The following GREB1 variants were observed in gnomAD, a reference collection of about 807,000 sequenced individuals.
GREB1 encodes the protein protein GREB1.
A neutral mutation model predicts 200.7 loss-of-function variants in GREB1; 106 were observed. The observed-to-expected ratio is 0.53, with a 90% CI of 0.45 to 0.62. The LOEUF (loss-of-function observed/expected upper bound fraction) is 0.62, where lower values mean the gene tolerates loss of function less well. Among genes scored for constraint, GREB1 ranks in the 20% least tolerant of loss-of-function variants. GREB1 has a pLI of 0.00. For missense variants in GREB1, 2,243 were observed against 2,556.8 expected, an observed-to-expected ratio of 0.88 and a Z score of 2.65; for synonymous variants, 1,132 against 1,092.4, an observed-to-expected ratio of 1.04 and a Z score of -0.72.
Position 11,612,573 on chromosome 2 carries a change from T to G in GREB1, c.3085T>G (p.Phe1029Val), listed in dbSNP as rs780360177. The change falls in exon 19 of 33, where the codon TTC (phenylalanine) becomes GTC (valine). Residue 1029 changes from phenylalanine (F) to valine (V), a missense_variant. By Grantham distance (50) the Phe-to-Val change is conservative (BLOSUM62 -1). Around this residue, in one of 3 missense-constraint regions of GREB1, gnomAD observed 1,178 missense variants for 1,387.4 expected, o/e 0.85. Coordinates refer to ENST00000381486, the MANE Select transcript of GREB1 (RefSeq NM_014668.4). ...GGAGGGTCTGCCTTGCATCCTGATC[T>G]TCAGTGGGATGGACCCGCATGGGGA... The part of the protein sequence containing the change: ...ELEGLPCILI[F>V]SGMDPHGESL... 6.2e-7 allele frequency: 1 copy of G among 1,612,362 alleles called. No individual in the cohort carries two copies. Among genetic ancestry groups the G allele is most frequent in the African/African-American group, 1.3e-5 (1 of 74,878 alleles).
chr2:11,559,721 C>A (rs548136831), intron 2 of GREB1, among the ~76,000 whole-genome samples: 9 of 152,278 alleles, frequency 5.9e-5, no homozygotes, highest in African/African-American at 2.2e-4. Context: ...GCCTTGCTGG[C>A]GCCTGGGGTC....
intron 19 of GREB1, among the ~76,000 whole-genome samples, chr2:11,614,403 A>G (rs931632103): frequency 6.6e-6 from 1 of 152,046 alleles, no homozygotes; most frequent in Non-Finnish European, 1.5e-5. Flanking sequence ...CTGGGATTAC[A>G]GGTGTGAGCC....
At chr2:11,553,002 T>A (rs1026003314) in intron 1 of GREB1, among the ~76,000 whole-genome samples, 3 of 113,458 alleles carry the variant, frequency 2.6e-5, no homozygotes, top group Middle Eastern at 9.0e-3. Context: ...AGAGCGAAAC[T>A]CCGTCTCAAA....
chr2:11,602,799 T>C (rs1281217403), intron 17 of GREB1, among the ~76,000 whole-genome samples: 3 of 152,240 alleles, frequency 2.0e-5, no homozygotes, highest in Non-Finnish European at 4.4e-5. Context: ...TGTGGAATTA[T>C]GTTTTTGAGC....
intron 1 of GREB1, among the ~76,000 whole-genome samples, chr2:11,524,944 C>T (rs1315801876): frequency 3.3e-5 from 5 of 152,158 alleles, no homozygotes; most frequent in Non-Finnish European, 5.9e-5. Context: ...TCTGGTAAAG[C>T]GGCCGTGTTC....
rs116766284 is a variant in GREB1, at chr2:11,541,569, G to A, written c.-162+7315G>A. Among the ~76,000 whole-genome samples the A allele has an allele frequency of 2.7e-3, 410 of 152,236 alleles. 2 individuals carry two copies. Among genetic ancestry groups the A allele is most frequent in the African/African-American group, 9.3e-3 (385 of 41,540 alleles). Reference sequence around the variant, plus strand: ...CTGCCTCCGACTCTTTCCAAAGCCCGAGGTCAGCTAGGCTCCTCGTGCTAC... The same window carrying A: ...CTGCCTCCGACTCTTTCCAAAGCCCAAGGTCAGCTAGGCTCCTCGTGCTAC... On this transcript the variant is annotated intron_variant, in intron 1 of 32. Transcript: ENST00000381486.
At chr2:11,594,848 C>T (rs1681061637) in intron 11 of GREB1, among the ~76,000 whole-genome samples, 1 of 152,064 alleles carries the variant, frequency 6.6e-6, no homozygotes, top group African/African-American at 2.4e-5. Flanking sequence ...CACCCGCCAC[C>T]ACACCCGGCT....
Position 11,641,073 on chromosome 2 carries a change from G to A in GREB1, c.*619G>A, listed in dbSNP as rs1010025330. On this transcript the variant is annotated 3_prime_UTR_variant, in exon 33 of 33. Coordinates refer to ENST00000381486, the MANE Select transcript of GREB1 (RefSeq NM_014668.4). ...TATGATCCTATTAAAATAATATAGG[G>A]TAAATACCCTACCTCTTAGAAAGGG... 8 of 150,462 alleles carry A rather than the reference G, an allele frequency of 5.3e-5. No homozygotes were observed. The highest frequency in any genetic ancestry group is 1.9e-4 in the African/African-American group (8 of 41,146). 9.3% of individuals were successfully genotyped at this position (150,462 alleles called of 1,614,324 possible). A position where few individuals can be genotyped will look rare whatever the true frequency, so the allele number is the denominator to read the frequency against.
chr2:11,533,487 C>T (rs1210289735), upstream of GREB1, among the ~76,000 whole-genome samples: 2 of 152,172 alleles, frequency 1.3e-5, no homozygotes, highest in African/African-American at 4.8e-5. Flanking sequence ...GGTGAGGGGG[C>T]AGGGACTGGA....
intron 1 of GREB1, among the ~76,000 whole-genome samples, chr2:11,522,972 C>A (rs1673752131): frequency 6.6e-6 from 1 of 152,162 alleles, no homozygotes; most frequent in African/African-American, 2.4e-5. Flanking sequence ...TGGAATCAAC[C>A]TAGATGCCCA....
chr2:11,566,420 C>T, intron 3 of GREB1, 60 bp from the exon 4 acceptor site: 1 of 1,516,664 alleles, frequency 6.6e-7, no homozygotes, highest in Non-Finnish European at 8.9e-7. Context: ...TCCCTTTGCC[C>T]CTGTGACCCC....
At chr2:11,624,737 C>T (rs1684295639) in intron 23 of GREB1, among the ~76,000 whole-genome samples, 1 of 152,186 alleles carries the variant, frequency 6.6e-6, no homozygotes, top group Non-Finnish European at 1.5e-5. Context: ...AACCCACAGG[C>T]TGCATGTGGC....
At chr2:11,483,582 G>A (rs1441846960) in intron 1 of GREB1, among the ~76,000 whole-genome samples, 6 of 151,966 alleles carry the variant, frequency 3.9e-5, no homozygotes, top group African/African-American at 9.7e-5. Context: ...GTGGTTTAGG[G>A]GCCCCTGCAC....
At position 11,625,302 on chromosome 2, in the gene GREB1, A is replaced by G; in HGVS notation, c.4296A>G (p.Ile1432Met). ...TGATTTGTTCGCACTATCAGGGTAT[A>G]AAGAGTGAAGGTCAGACTTTGAATC... ...ASLICSHYQG[I>M]KSEDRGMSRK... Residue 1432 changes from isoleucine (I) to methionine (M), a missense_variant, in exon 24 of 33, where the codon ATA becomes ATG. Physicochemically the swap from Ile to Met is conservative, Grantham distance 10 (BLOSUM62 1). Transcript: ENST00000381486. 1 of 1,614,164 alleles carries G rather than the reference A, an allele frequency of 6.2e-7. No individual in the cohort carries two copies. Among genetic ancestry groups the G allele is most frequent in the Non-Finnish European group, 8.5e-7 (1 of 1,180,012 alleles).
intron 1 of GREB1, among the ~76,000 whole-genome samples, chr2:11,546,312 C>T (rs1675274230): frequency 6.6e-6 from 1 of 152,130 alleles, no homozygotes; most frequent in Non-Finnish European, 1.5e-5. Flanking sequence ...AATTTCCTGG[C>T]ACATAGTATA....
chr2:11,627,416 G>T (rs1572190926), intron 25 of GREB1, among the ~76,000 whole-genome samples: 1 of 152,164 alleles, frequency 6.6e-6, no homozygotes, highest in Non-Finnish European at 1.5e-5. Flanking sequence ...TGCTTATTCT[G>T]TACCAGGCAC....
intron 1 of GREB1, among the ~76,000 whole-genome samples, chr2:11,498,343 C>T (rs1672944197): frequency 6.6e-6 from 1 of 152,070 alleles, no homozygotes; most frequent in Non-Finnish European, 1.5e-5. Context: ...CCCAGTTGTT[C>T]CAGCACCATT....
At position 11,597,343 on chromosome 2, in the gene GREB1, A is replaced by G. The variant is rs1681363587; in HGVS notation, c.1955-438A>G. Among the ~76,000 whole-genome samples the G allele has an allele frequency of 6.6e-6, 1 of 152,142 alleles. No homozygotes were observed. The highest frequency in any genetic ancestry group is 1.5e-5 in the Non-Finnish European group (1 of 68,014). On this transcript the variant is annotated intron_variant, in intron 13 of 32. Transcript: ENST00000381486. The surrounding 1 kb of genome is among the most constrained non-coding windows in gnomAD (Gnocchi z 4.1). ...TGTCTCTGAGGTGATAGATTTTTCT[A>G]TGCCAATTTCCTGCCTCTGAGTCTG...
At chr2:11,626,097 T>C (rs1419753297) in intron 24 of GREB1, among the ~76,000 whole-genome samples, 1 of 152,104 alleles carries the variant, frequency 6.6e-6, no homozygotes, top group Non-Finnish European at 1.5e-5. Context: ...CATGTAAGAA[T>C]TATGGGAGCT....
Sources: allele counts gnomAD v4.1 joint callset (sites outside exome capture counted in the v4.1 genomes callset), GRCh38; gene constraint gnomAD v4.1.1; regional missense constraint gnomAD v4.1.1; non-coding constraint Gnocchi (gnomAD v3.1); transcripts MANE v1.5; gene names NCBI Gene and HGNC (gene_info 2026-07-23, HGNC 2026-07-21).